Variants in CCDC3 observed in about 807,000 individuals in gnomAD.
CCDC3 encodes the protein coiled-coil domain containing 3.
A neutral mutation model predicts 21.4 loss-of-function variants in CCDC3; 24 were observed. The observed-to-expected ratio is 1.12, with a 90% confidence interval of 0.81 to 1.58. CCDC3 has a LOEUF of 1.58. Among genes scored for constraint, CCDC3 ranks in the 40% most tolerant of loss-of-function variants. The pLI is 0.00. For missense variants in CCDC3, 425 were observed against 360.9 expected (o/e 1.18, Z -1.44); for synonymous variants, 186 against 166.0 (o/e 1.12, Z -0.93).
At chr10:12,920,908 G>A (rs898163992) in intron 2 of CCDC3, among the ~76,000 whole-genome samples, 1 of 152,192 alleles carries the variant, frequency 6.6e-6, no homozygotes, top group African/African-American at 2.4e-5. Flanking sequence ...AAAACTTGAG[G>A]TCTTCAAATA....
intron 5 of CCDC3, among the ~76,000 whole-genome samples, chr10:13,022,593 C>T (rs1368760760): frequency 6.6e-6 from 1 of 152,016 alleles, no homozygotes; most frequent in Non-Finnish European, 1.5e-5. Flanking sequence ...AAAGTAATGG[C>T]AAAAACTGCA....
chr10:13,067,019 G>A (rs910634180), intron 4 of CCDC3, among the ~76,000 whole-genome samples: 1 of 152,190 alleles, frequency 6.6e-6, no homozygotes, highest in Non-Finnish European at 1.5e-5. Context: ...TCCTAGGTGT[G>A]GGGCTTGAGG....
chr10:13,098,710 A>ATTTTTTTTTTTTTTTTTTTTTTTTTT (rs575500494), intron 2 of CCDC3: 1 of 64,854 alleles, frequency 1.5e-5, no homozygotes, highest in African/African-American at 6.6e-5. Context: ...TCCTGCACTG[A>ATTTTTTTTTTTTTTTTTTTTTTTTTT]TTTTTTTTTT....
chr10:13,056,811 C>T (rs989556222), intron 4 of CCDC3, among the ~76,000 whole-genome samples: 1 of 152,130 alleles, frequency 6.6e-6, no homozygotes, highest in African/African-American at 2.4e-5. Flanking sequence ...GCAGCCACTT[C>T]CATTTAACAG....
In CCDC3 at chr10:12,898,052, T is replaced by C. The variant is rs569425306; in HGVS notation, c.*364A>G. The stretch of plus-strand genomic sequence containing the variant: ...GCTGGGAACCACCCTGATTTTTTTC[T>C]GAAATAAAGGCTAAGCACGTTGATG... On this transcript the variant is annotated 3_prime_UTR_variant, in exon 3 of 3. Coordinates refer to ENST00000378825, the MANE Select transcript of CCDC3 (RefSeq NM_031455.4). 2.7e-4 allele frequency: 54 copies of C among 197,270 alleles called. 3 individuals are homozygous for C. The South Asian group carries it at 7.2e-3, about 26-fold the overall frequency. 12.2% of individuals were successfully genotyped at this position (197,270 alleles called of 1,614,324 possible). A position where few individuals can be genotyped will look rare whatever the true frequency, so the allele number is the denominator to read the frequency against.
intron 2 of CCDC3, among the ~76,000 whole-genome samples, chr10:12,976,853 G>A (rs1835425003): frequency 6.6e-6 from 1 of 152,088 alleles, no homozygotes; most frequent in Admixed American, 6.6e-5. Flanking sequence ...TATGAAGTCT[G>A]GGTGTTTAAT....
chr10:12,955,939 C>T (rs574321055), intron 2 of CCDC3, among the ~76,000 whole-genome samples: 28 of 152,232 alleles, frequency 1.8e-4, no homozygotes, highest in African/African-American at 5.1e-4. Flanking sequence ...AACGCCTGAC[C>T]TCAAGTGACC....
At chr10:12,956,395 C>T (rs1428336320) in intron 2 of CCDC3, among the ~76,000 whole-genome samples, 1 of 152,106 alleles carries the variant, frequency 6.6e-6, no homozygotes, top group East Asian at 1.9e-4. Flanking sequence ...TCATGGCTGC[C>T]GTGTCCCTGT....
intron 2 of CCDC3, among the ~76,000 whole-genome samples, chr10:12,922,115 C>A (rs1834460073): frequency 6.6e-6 from 1 of 152,072 alleles, no homozygotes; most frequent in African/African-American, 2.4e-5. Flanking sequence ...ACAGTCCAGG[C>A]TTTATCTCTG....
intron 2 of CCDC3, among the ~76,000 whole-genome samples, chr10:12,957,917 C>G (rs187535468): frequency 6.6e-6 from 1 of 152,226 alleles, no homozygotes; most frequent in Admixed American, 6.5e-5. Flanking sequence ...GTGATCTTGG[C>G]CTCCTGGGTT....
At chr10:13,034,951 A>G (rs906496774) in intron 5 of CCDC3, among the ~76,000 whole-genome samples, 3 of 151,956 alleles carry the variant, frequency 2.0e-5, no homozygotes, top group Non-Finnish European at 4.4e-5. Context: ...GCTTGAACCC[A>G]GTAGGCAGAT....
chr10:12,937,249 C>T (rs12254221), intron 2 of CCDC3, among the ~76,000 whole-genome samples: 19,652 of 151,992 alleles, frequency 0.13, 1,377 homozygotes, highest in African/African-American at 0.2. Context: ...TCCCGTTTGA[C>T]TGATCTAAGA....
intron 3 of CCDC3, among the ~76,000 whole-genome samples, chr10:13,086,269 A>G (rs1242839950): frequency 1.3e-5 from 2 of 152,246 alleles, no homozygotes; most frequent in Non-Finnish European, 2.9e-5. Context: ...AATGAAAGGA[A>G]GTGAAACCCA....
In CCDC3 at chr10:13,001,600, C is replaced by A. The variant is rs914488317; in HGVS notation, c.-30G>T. Reference sequence around the variant, plus strand: ...GGCCCTCCCGGGGCGCACGGGGCGGCGGCGGGGAGCCCGGGGAGCCCGCCG... The same window carrying A: ...GGCCCTCCCGGGGCGCACGGGGCGGAGGCGGGGAGCCCGGGGAGCCCGCCG... On this transcript the variant is annotated 5_prime_UTR_variant, in exon 1 of 3. Coordinates refer to ENST00000378825, the MANE Select transcript of CCDC3 (RefSeq NM_031455.4). The A allele has an allele frequency of 5.2e-6, 6 of 1,151,288 alleles. No homozygotes were observed. The highest frequency in any genetic ancestry group is 6.4e-6 in the Non-Finnish European group (6 of 936,854). The allele number at this position is 1,151,288 out of a possible 1,614,324, so 71.3% of individuals were successfully genotyped here.
At chr10:12,931,733 G>C (rs182045334) in intron 2 of CCDC3, among the ~76,000 whole-genome samples, 11 of 152,254 alleles carry the variant, frequency 7.2e-5, no homozygotes, top group Non-Finnish European at 1.0e-4. Flanking sequence ...ACTCATTACT[G>C]TTTTCTATAA....
At chr10:13,092,071 G>A (rs1832579368) in intron 3 of CCDC3, among the ~76,000 whole-genome samples, 1 of 152,210 alleles carries the variant, frequency 6.6e-6, no homozygotes, top group South Asian at 2.1e-4. Flanking sequence ...GGTGCAGATA[G>A]CTGCAGCAAA....
Position 12,896,975 on chromosome 10 carries a change from C to CCCCAGACT in CCDC3, c.*1433_*1440dup. ...GACTCAAGCAACGTAAGAGTCATCT[C>CCCCAGACT]CCCAGACTGGCTGTCAGAGCAAGAA... On this transcript the variant is annotated 3_prime_UTR_variant, in exon 3 of 3. Coordinates refer to ENST00000378825, the MANE Select transcript of CCDC3 (RefSeq NM_031455.4). The CCCCAGACT allele has an allele frequency of 6.6e-6, 1 of 152,500 alleles. No individual in the cohort carries two copies. The highest frequency in any genetic ancestry group is 1.9e-4 in the East Asian group (1 of 5,188). The allele number at this position is 152,500 out of a possible 1,614,324, so 9.4% of individuals were successfully genotyped here.
chr10:13,078,775 C>G (rs1202675379), intron 3 of CCDC3, among the ~76,000 whole-genome samples: 1 of 151,954 alleles, frequency 6.6e-6, no homozygotes, highest in Non-Finnish European at 1.5e-5. Flanking sequence ...AAACCAAACA[C>G]CACATGTTCT....
chr10:12,922,885 G>C (rs1336858049), intron 2 of CCDC3, among the ~76,000 whole-genome samples: 1 of 152,140 alleles, frequency 6.6e-6, no homozygotes, highest in African/African-American at 2.4e-5. Context: ...TAGAAGAGGA[G>C]CCCGGAGCCT....
Sources: allele counts gnomAD v4.1 joint callset (sites outside exome capture counted in the v4.1 genomes callset), GRCh38; gene constraint gnomAD v4.1.1; transcripts MANE v1.5; gene names NCBI Gene and HGNC (gene_info 2026-07-23, HGNC 2026-07-21).